BMP5: variants seen among roughly 807,000 people sequenced by gnomAD.
BMP5 encodes the protein bone morphogenetic protein 5.
In BMP5, 23 loss-of-function variants were observed where a neutral mutation model predicts 46.6. The observed-to-expected ratio is 0.49, with a 90% CI of 0.35 to 0.70. The LOEUF is 0.70. BMP5 is among the 30% of genes least tolerant of loss of function. BMP5 has a pLI of 0.00. For missense variants in BMP5, 545 were observed against 565.6 expected, an observed-to-expected ratio of 0.96 and a Z score of 0.37; for synonymous variants, 204 against 191.9, an observed-to-expected ratio of 1.06 and a Z score of -0.52.
intron 1 of BMP5, among the ~76,000 whole-genome samples, chr6:55,840,420 T>C (rs892723813): frequency 1.3e-5 from 2 of 152,170 alleles, no homozygotes; most frequent in Non-Finnish European, 2.9e-5. Flanking sequence ...TGAGCATAGA[T>C]AACCTTACTT....
chr6:55,825,948 G>C (rs1776521923), intron 1 of BMP5, among the ~76,000 whole-genome samples: 1 of 151,772 alleles, frequency 6.6e-6, no homozygotes. Context: ...ATCATTAAGA[G>C]ATTACTCATA....
At chr6:55,779,924 A>G (rs1775267590) in intron 3 of BMP5, among the ~76,000 whole-genome samples, 1 of 151,988 alleles carries the variant, frequency 6.6e-6, no homozygotes, top group African/African-American at 2.4e-5. Context: ...ACTATTTTTT[A>G]AGTATTAAAA....
intron 1 of BMP5, among the ~76,000 whole-genome samples, chr6:55,854,218 A>G (rs1777330291): frequency 6.6e-6 from 1 of 152,102 alleles, no homozygotes; most frequent in African/African-American, 2.4e-5. Context: ...ATAAATTATG[A>G]TTTTATCAAG....
intron 1 of BMP5, among the ~76,000 whole-genome samples, chr6:55,848,048 T>C (rs141886960): frequency 6.6e-6 from 1 of 152,100 alleles, no homozygotes; most frequent in Non-Finnish European, 1.5e-5. Flanking sequence ...TCTATTTACT[T>C]TCCTAGTCAA....
chr6:55,854,455 T>C (rs1582122378), intron 1 of BMP5, among the ~76,000 whole-genome samples: 1 of 152,182 alleles, frequency 6.6e-6, no homozygotes, highest in South Asian at 2.1e-4. Context: ...TGTATTTTTT[T>C]CTTATTTTAT....
intron 1 of BMP5, 53 bp from the exon 2 acceptor site, chr6:55,819,900 T>C (rs1017005592): frequency 4.3e-6 from 6 of 1,389,256 alleles, no homozygotes; most frequent in African/African-American, 2.9e-5. Flanking sequence ...TTATAAAATA[T>C]GGAAATTAAT....
chr6:55,773,153 C>T (rs1775086514), intron 4 of BMP5, among the ~76,000 whole-genome samples: 1 of 151,824 alleles, frequency 6.6e-6, no homozygotes, highest in East Asian at 1.9e-4. Context: ...TGGCAGAGTG[C>T]TATGCATAAA....
At chr6:55,817,420 A>AT (rs1320074590) in intron 2 of BMP5, among the ~76,000 whole-genome samples, 1 of 152,234 alleles carries the variant, frequency 6.6e-6, no homozygotes, top group Non-Finnish European at 1.5e-5. Flanking sequence ...CTATGCAGCC[A>AT]TAAAAAATGA....
At chr6:55,775,401 AT>A (rs1775151473) in intron 3 of BMP5, among the ~76,000 whole-genome samples, 1 of 151,884 alleles carries the variant, frequency 6.6e-6, no homozygotes, top group African/African-American at 2.4e-5. Context: ...TGAAAATTAT[AT>A]TTTATATATA....
At chr6:55,810,286 A>G (rs1776097146) in intron 2 of BMP5, among the ~76,000 whole-genome samples, 1 of 152,236 alleles carries the variant, frequency 6.6e-6, no homozygotes, top group Admixed American at 6.5e-5. Context: ...AAAGGTACAG[A>G]TGAAAACTGG....
intron 3 of BMP5, among the ~76,000 whole-genome samples, chr6:55,777,194 G>A (rs1775196226): frequency 6.6e-6 from 1 of 151,700 alleles, no homozygotes; most frequent in African/African-American, 2.4e-5. Flanking sequence ...TGATTATGTT[G>A]ACTAAACCTT....
chr6:55,822,016 A>G (rs1400818470), intron 1 of BMP5, among the ~76,000 whole-genome samples: 3 of 152,168 alleles, frequency 2.0e-5, no homozygotes, highest in Non-Finnish European at 2.9e-5. Context: ...GTATTTTATC[A>G]TCTTATTAAT....
intron 1 of BMP5, among the ~76,000 whole-genome samples, chr6:55,840,849 G>C (rs1028144908): frequency 6.6e-6 from 1 of 152,058 alleles, no homozygotes; most frequent in Non-Finnish European, 1.5e-5. Flanking sequence ...TGTACATTTC[G>C]TAGTATAGTT....
chr6:55,844,043 T>C (rs193025436), intron 1 of BMP5, among the ~76,000 whole-genome samples: 5 of 152,186 alleles, frequency 3.3e-5, no homozygotes, highest in African/African-American at 1.2e-4. Flanking sequence ...AATATGAATC[T>C]GTATTTATAA....
chr6:55,844,182 C>T (rs1004969757), intron 1 of BMP5, among the ~76,000 whole-genome samples: 2 of 151,972 alleles, frequency 1.3e-5, no homozygotes, highest in South Asian at 2.1e-4. Context: ...AGCCACCTCC[C>T]CCACTAAGAT....
Position 55,875,131 on chromosome 6 carries a change from G to A in BMP5, c.-266C>T, listed in dbSNP as rs1402974139. The stretch of plus-strand genomic sequence containing the variant: ...TCCACAGTTGTTAAGAGTTTTTGCT[G>A]CATTGATGTAGCAGAAGACGGCTAA... On this transcript the variant is annotated 5_prime_UTR_variant, in exon 1 of 7. The change creates a premature stop within an existing upstream ORF in the 5' untranslated region. Transcript: ENST00000370830. 2 of 386,506 alleles carry A rather than the reference G, an allele frequency of 5.2e-6. No individual in the cohort carries two copies. The highest frequency in any genetic ancestry group is 2.1e-5 in the African/African-American group (1 of 48,584). The allele number at this position is 386,506 out of a possible 1,614,324, so 23.9% of individuals were successfully genotyped here.
At chr6:55,762,946 T>C (rs1468546358) in intron 4 of BMP5, among the ~76,000 whole-genome samples, 1 of 152,118 alleles carries the variant, frequency 6.6e-6, no homozygotes, top group African/African-American at 2.4e-5. Flanking sequence ...CCAGTAAAAC[T>C]ACCTATGGAT....
chr6:55,860,454 C>T (rs1582127741), intron 1 of BMP5, among the ~76,000 whole-genome samples: 1 of 152,234 alleles, frequency 6.6e-6, no homozygotes, highest in Non-Finnish European at 1.5e-5. Flanking sequence ...AAATGTTTGA[C>T]TTATTCATAA....
chr6:55,759,144 C>CAAAAAAAAAAAAAAAAAAAAAACA, intron 5 of BMP5, 29 bp from the exon 6 acceptor site: 1 of 84,130 alleles, frequency 1.2e-5, no homozygotes, highest in East Asian at 2.4e-4. Flanking sequence ...CACACACACA[C>CAAAAAAAAAAAAAAAAAAAAAACA]AAAAAAAAAA....
Sources: allele counts gnomAD v4.1 joint callset (sites outside exome capture counted in the v4.1 genomes callset), GRCh38; gene constraint gnomAD v4.1.1; transcripts MANE v1.5; gene names NCBI Gene and HGNC (gene_info 2026-07-23, HGNC 2026-07-21).